EPB42: variants seen among roughly 807,000 people sequenced by gnomAD.
EPB42 encodes protein 4.2.
In EPB42, 49 loss-of-function variants were observed where a neutral mutation model predicts 76.9. The observed-to-expected ratio is 0.64, with a 90% CI of 0.51 to 0.81. The LOEUF is 0.81. Ranked by LOEUF, EPB42 falls within the 30% of genes least tolerant of loss-of-function variation. EPB42 has a pLI of 0.00. For synonymous variants in EPB42, 310 were observed against 338.4 expected (o/e 0.92, Z 0.92); for missense variants, 731 against 867.6 (o/e 0.84, Z 1.98).
chr15:43,207,196 T>C lies in EPB42; in HGVS notation c.1318+3A>G, dbSNP rs376358319. The C allele has an allele frequency of 4.3e-6, 7 of 1,613,910 alleles. No individual in the cohort carries two copies. Among genetic ancestry groups the C allele is most frequent in the Non-Finnish European group, 5.1e-6 (6 of 1,179,818 alleles). On this transcript the variant is annotated splice_donor_region_variant and intron_variant, in intron 9 of 12. Transcript: ENST00000441366. ...AAGCCTGGGGCCCTTCCCTGGCCCG[T>C]ACCTTCAGGATACTTGTAGTTCTGA...
Position 43,215,178 on chromosome 15 carries a change from T to C in EPB42, c.347A>G (p.His116Arg), listed in dbSNP as rs2042358478. 1 of 1,614,094 alleles carries C rather than the reference T, an allele frequency of 6.2e-7. No homozygotes were observed. Among genetic ancestry groups the C allele is most frequent in the Non-Finnish European group, 8.5e-7 (1 of 1,180,036 alleles). The change falls in exon 3 of 13, where the codon CAC becomes CGC. Residue 116 changes from histidine to arginine, a missense_variant. By Grantham distance (29) the His-to-Arg change is conservative. Transcript: ENST00000441366. ...TGAGACCTGCAGCAGAAGCGAGTAG[T>C]GGCCAATGACAGCGTCCGCAGGTGT... ...VTTPADAVIG[H>R]YSLLLQVSGR...
At chr15:43,209,729 T>C in intron 5 of EPB42, 1 of 417,384 alleles carries the variant, frequency 2.4e-6, no homozygotes, top group East Asian at 4.0e-5. Context: ...GGGGGCTGGT[T>C]TCACCGGTTC....
intron 5 of EPB42, chr15:43,209,739 C>T (rs2042264515): frequency 2.5e-6 from 1 of 403,586 alleles, no homozygotes; most frequent in African/African-American, 2.0e-5. Context: ...TTCACCGGTT[C>T]TTAGTCCTCC....
chr15:43,203,020 C>G (rs764465664), intron 11 of EPB42, 95 bp downstream of exon 11: 29 of 1,468,612 alleles, frequency 2.0e-5, no homozygotes, highest in Non-Finnish European at 2.8e-5. Context: ...AATCTTGCAG[C>G]ACAGTCATCT....
intron 12 of EPB42, among the ~76,000 whole-genome samples, chr15:43,201,145 C>T (rs375239346): frequency 4.7e-4 from 71 of 152,212 alleles, no homozygotes; most frequent in African/African-American, 1.7e-3. Flanking sequence ...TATAAGGAGA[C>T]TTGTGTGAGG....
chr15:43,212,372 A>G (rs2042312595), intron 3 of EPB42, among the ~76,000 whole-genome samples: 1 of 146,074 alleles, frequency 6.8e-6, no homozygotes, highest in Non-Finnish European at 1.5e-5. Flanking sequence ...TCCGTCTCAA[A>G]AAAAAAAAAA....
At chr15:43,217,413 T>C (rs528023804) in intron 1 of EPB42, among the ~76,000 whole-genome samples, 2 of 152,122 alleles carry the variant, frequency 1.3e-5, no homozygotes, top group Admixed American at 1.3e-4. Context: ...TCTTTATAAA[T>C]TACCCCATCT....
At chr15:43,220,634 G>C in intron 1 of EPB42, 182 bp downstream of exon 1, 1 of 1,170,852 alleles carries the variant, frequency 8.5e-7, no homozygotes, top group Admixed American at 1.8e-5. Context: ...ACCTCTACCA[G>C]CACCCACCTA....
At chr15:43,203,007 G>T in intron 11 of EPB42, 108 bp downstream of exon 11, 1 of 1,366,590 alleles carries the variant, frequency 7.3e-7, no homozygotes, top group Non-Finnish European at 1.0e-6. Flanking sequence ...AGCATTTTCT[G>T]GTAATCTTGC....
At chr15:43,210,227 G>A in intron 5 of EPB42, 108 bp downstream of exon 5, 1 of 949,902 alleles carries the variant, frequency 1.1e-6, no homozygotes, top group Non-Finnish European at 1.7e-6. Context: ...TGGGAGGAGG[G>A]GGCCATTTGT....
intron 2 of EPB42, 54 bp downstream of exon 2, chr15:43,216,214 A>G: frequency 1.2e-6 from 2 of 1,602,494 alleles, no homozygotes; most frequent in Non-Finnish European, 8.5e-7. Flanking sequence ...TGCTGGAGAG[A>G]ACAGAGAACC....
chr15:43,211,587 C>T, intron 3 of EPB42, 53 bp from the exon 4 acceptor site: 1 of 1,185,324 alleles, frequency 8.4e-7, no homozygotes, highest in Middle Eastern at 1.9e-4. Context: ...GGTCCACCCT[C>T]CACATCCAGG....
At chr15:43,214,036 C>T (rs961779872) in intron 3 of EPB42, among the ~76,000 whole-genome samples, 13 of 152,362 alleles carry the variant, frequency 8.5e-5, no homozygotes, top group African/African-American at 3.1e-4. Context: ...TGCCACGGGG[C>T]CTCCTTCAGG....
Position 43,197,275 on chromosome 15 carries a change from C to T in EPB42, c.*27G>A. The T allele has an allele frequency of 6.2e-7, 1 of 1,614,034 alleles. No individual in the cohort carries two copies. Among genetic ancestry groups the T allele is most frequent in the East Asian group, 2.2e-5 (1 of 44,884 alleles). On this transcript the variant is annotated 3_prime_UTR_variant, in exon 13 of 13. Transcript: ENST00000441366. ...GTTTAGATTGTAGAACAAGGGTTGG[C>T]AGGAGAGTGGTGATAGAGCTGGAAG...
intron 12 of EPB42, among the ~76,000 whole-genome samples, chr15:43,198,181 T>TACCC (rs1408928151): frequency 6.6e-6 from 1 of 152,114 alleles, no homozygotes; most frequent in Admixed American, 6.5e-5. Context: ...AATGTGGAAG[T>TACCC]GACTTTGGAA....
At position 43,206,764 on chromosome 15, in the gene EPB42, G is replaced by A; in HGVS notation, c.1319-135C>T. On this transcript the variant is annotated intron_variant, in intron 9 of 12. Transcript: ENST00000441366. The surrounding 1 kb of genome is among the most constrained non-coding windows in gnomAD (Gnocchi z 4.7). ...CACAAGAACTCAGCAAGCCTCTAAG[G>A]CCATATTTAGCCCAAAAATGTCTGT... 3 of 1,022,638 alleles carry A rather than the reference G, an allele frequency of 2.9e-6. No individual in the cohort carries two copies. The highest frequency in any genetic ancestry group is 4.4e-6 in the Non-Finnish European group (3 of 684,230). 63.3% of individuals were successfully genotyped at this position (1,022,638 alleles called of 1,614,324 possible). A position where few individuals can be genotyped will look rare whatever the true frequency, so the allele number is the denominator to read the frequency against.
chr15:43,203,207 TA>T lies in EPB42; in HGVS notation c.1686del (p.Arg563AspfsTer52). 1 of 1,613,876 alleles carries T rather than the reference TA, an allele frequency of 6.2e-7. No individual in the cohort carries two copies. The highest frequency in any genetic ancestry group is 8.5e-7 in the Non-Finnish European group (1 of 1,179,966). On this transcript the variant is annotated frameshift_variant, in exon 11 of 13. Coordinates refer to ENST00000441366, the MANE Select transcript of EPB42 (RefSeq NM_001114134.2). LOFTEE classifies it high-confidence loss of function. ...FERNPPENTF[L>X]RLTAMATHSE... ...GAGTGTGTTGCCATGGCGGTGAGTC[TA>T]AGGAAGGTGTTCTCGGGTGGGTTTC... is the stretch of plus-strand genomic sequence containing the variant.
At chr15:43,212,582 G>A (rs1468741804) in intron 3 of EPB42, among the ~76,000 whole-genome samples, 3 of 152,168 alleles carry the variant, frequency 2.0e-5, no homozygotes, top group African/African-American at 4.8e-5. Flanking sequence ...GAGGGAAGAG[G>A]AGCATTTGGC....
At chr15:43,217,774 C>G (rs2042400192) in intron 1 of EPB42, among the ~76,000 whole-genome samples, 1 of 152,146 alleles carries the variant, frequency 6.6e-6, no homozygotes, top group South Asian at 2.1e-4. Flanking sequence ...GTCCTTTAGA[C>G]TACAAGACGG....
Sources: allele counts gnomAD v4.1 joint callset (sites outside exome capture counted in the v4.1 genomes callset), GRCh38; gene constraint gnomAD v4.1.1; non-coding constraint Gnocchi (gnomAD v3.1); transcripts MANE v1.5; gene names NCBI Gene and HGNC (gene_info 2026-07-23, HGNC 2026-07-21).